Variants in CERKL observed in about 807,000 individuals in gnomAD.
CERKL encodes CERK like autophagy regulator, also known as ceramide kinase-like protein.
In CERKL, 61 loss-of-function variants were observed where a neutral mutation model predicts 63.4. The ratio of observed to expected loss-of-function variants is 0.96; its 90% CI spans 0.78 to 1.19. The LOEUF is 1.19. Among genes scored for constraint, CERKL ranks in the 50% most tolerant of loss-of-function variants. The probability of loss-of-function intolerance (pLI) is 0.00; values close to 1 mark genes in which losing one functional copy is unlikely to be tolerated. For synonymous variants in CERKL, 250 were observed against 230.5 expected, an observed-to-expected ratio of 1.08 and a Z score of -0.77; for missense variants, 675 against 655.5, an observed-to-expected ratio of 1.03 and a Z score of -0.33.
At chr2:181,610,011 G>A (rs1183012443) in intron 1 of CERKL, among the ~76,000 whole-genome samples, 1 of 151,982 alleles carries the variant, frequency 6.6e-6, no homozygotes, top group Non-Finnish European at 1.5e-5. Context: ...CACAAAGGAA[G>A]ACAGACATCA....
Position 181,621,477 on chromosome 2 carries a change from T to C in CERKL, c.239-17398A>G, listed in dbSNP as rs539862472. ...CCAATTTTATTGAAAAAGCCTTAAA[T>C]TGATTCAAAGAGTCTGATACTAAAA... On this transcript the variant is annotated intron_variant, in intron 1 of 12. Transcript: ENST00000410087. 7.9e-5 allele frequency among the ~76,000 whole-genome samples: 12 copies of C among 152,318 alleles called. No homozygotes were observed. In the East Asian group the frequency reaches 2.3e-3, roughly 29 times the overall value.
intron 2 of CERKL, chr2:181,603,012 T>C (rs1045985705): frequency 5.9e-6 from 1 of 168,148 alleles, no homozygotes; most frequent in African/African-American, 2.4e-5. Context: ...TTATTTAGTA[T>C]GCAAAATATG....
At chr2:181,631,229 T>C (rs1180167927) in intron 1 of CERKL, among the ~76,000 whole-genome samples, 3 of 152,220 alleles carry the variant, frequency 2.0e-5, no homozygotes, top group Non-Finnish European at 4.4e-5. Flanking sequence ...TTTTCACTGG[T>C]TCTTTAAAAG....
intron 1 of CERKL, among the ~76,000 whole-genome samples, chr2:181,639,426 TA>T (rs937727928): frequency 7.9e-5 from 12 of 152,020 alleles, no homozygotes; most frequent in South Asian, 2.1e-4. Flanking sequence ...GTGGTTTCCA[TA>T]AAAAAAATTA....
chr2:181,610,356 C>G (rs1041816753), intron 1 of CERKL, among the ~76,000 whole-genome samples: 9 of 152,254 alleles, frequency 5.9e-5, no homozygotes, highest in African/African-American at 2.2e-4. Context: ...GATGGTGCAA[C>G]TAAAGGGAAG....
At chr2:181,540,710 C>T (rs1687464925) in intron 11 of CERKL, among the ~76,000 whole-genome samples, 1 of 152,132 alleles carries the variant, frequency 6.6e-6, no homozygotes, top group African/African-American at 2.4e-5. Flanking sequence ...AACTGTGAAG[C>T]CACAGACGCT....
intron 2 of CERKL, among the ~76,000 whole-genome samples, chr2:181,575,642 C>A (rs1215515120): frequency 6.6e-6 from 1 of 152,128 alleles, no homozygotes; most frequent in East Asian, 1.9e-4. Context: ...CTCATCCCAC[C>A]CCTGAGCAAA....
chr2:181,589,695 A>T (rs1684908340), intron 2 of CERKL, among the ~76,000 whole-genome samples: 1 of 152,350 alleles, frequency 6.6e-6, no homozygotes, highest in South Asian at 2.1e-4. Context: ...CTAAAATTCA[A>T]CTATGCAAGT....
chr2:181,639,044 A>C (rs1414103846), intron 1 of CERKL, among the ~76,000 whole-genome samples: 2 of 152,248 alleles, frequency 1.3e-5, no homozygotes, highest in Admixed American at 1.3e-4. Context: ...GCCATCAGCT[A>C]TAATATGGAC....
At chr2:181,562,058 C>T (rs186158782) in intron 4 of CERKL, among the ~76,000 whole-genome samples, 2 of 152,254 alleles carry the variant, frequency 1.3e-5, no homozygotes, top group Admixed American at 1.3e-4. Flanking sequence ...AGGTGATCTC[C>T]CCTCTTCAGC....
intron 3 of CERKL, 70 bp downstream of exon 3, chr2:181,573,683 G>T: frequency 6.9e-7 from 1 of 1,444,154 alleles, no homozygotes; most frequent in Non-Finnish European, 9.7e-7. Context: ...TTGCATTAAG[G>T]ACAAATTCAG....
At chr2:181,538,309 T>G (rs1375504650) in intron 12 of CERKL, 65 bp from the exon 13 acceptor site, 2 of 892,176 alleles carry the variant, frequency 2.2e-6, no homozygotes, top group Non-Finnish European at 3.7e-6. Context: ...CTAATAAGTA[T>G]GGTACACAAT....
intron 5 of CERKL, among the ~76,000 whole-genome samples, chr2:181,553,805 T>C (rs1277144455): frequency 6.6e-6 from 1 of 152,206 alleles, no homozygotes; most frequent in African/African-American, 2.4e-5. Flanking sequence ...AGAAAGTATA[T>C]GTAAAATTGC....
chr2:181,593,048 G>T (rs990237896), intron 2 of CERKL, among the ~76,000 whole-genome samples: 1 of 152,078 alleles, frequency 6.6e-6, no homozygotes. Context: ...ACCCTTTATT[G>T]AGTACCTGCT....
intron 4 of CERKL, among the ~76,000 whole-genome samples, chr2:181,560,825 C>G (rs1468029046): frequency 1.3e-5 from 2 of 151,942 alleles, no homozygotes; most frequent in African/African-American, 4.8e-5. Context: ...AACAGTTTAC[C>G]AGTAGAACCA....
At chr2:181,650,108 AGGGAGGAAG>A (rs1687851574) in intron 1 of CERKL, 18 of 60,908 alleles carry the variant, frequency 3.0e-4, no homozygotes, top group African/African-American at 1.4e-3. Flanking sequence ...GGAGGGAGGG[AGGGAGGAAG>A]GAAGGAAGGA....
At chr2:181,614,337 T>TA (rs567929514) in intron 1 of CERKL, among the ~76,000 whole-genome samples, 30 of 152,272 alleles carry the variant, frequency 2.0e-4, no homozygotes, top group African/African-American at 6.5e-4. Flanking sequence ...TGGACATTCT[T>TA]AGAATATACA....
At chr2:181,614,425 A>G (rs532111991) in intron 1 of CERKL, among the ~76,000 whole-genome samples, 4 of 152,352 alleles carry the variant, frequency 2.6e-5, no homozygotes, top group African/African-American at 9.6e-5. Context: ...TGTCTTGGGT[A>G]TATTTAAAAA....
chr2:181,652,480 T>C (rs557568051), intron 1 of CERKL, among the ~76,000 whole-genome samples: 2 of 152,166 alleles, frequency 1.3e-5, no homozygotes, highest in East Asian at 1.9e-4. Context: ...TCTCACCATA[T>C]ACAAAAATAA....
Sources: gnomAD v4.1 joint callset for allele counts (sites outside exome capture counted in the v4.1 genomes callset) on GRCh38, gnomAD v4.1.1 for gene constraint, MANE v1.5 for transcripts, NCBI Gene and HGNC (gene_info 2026-07-23, HGNC 2026-07-21) for gene names.